SPAG16: variants seen among roughly 807,000 people sequenced by gnomAD.
SPAG16 encodes sperm-associated antigen 16 protein.
SPAG16 carries 86 observed loss-of-function variants against 80.4 expected under a neutral mutation model. That is an observed-to-expected ratio of 1.07 (90% CI 0.90 to 1.28). SPAG16 has a LOEUF of 1.28. SPAG16 is among the 50% of genes most tolerant of loss of function. The pLI is 0.00. For synonymous variants in SPAG16, 294 were observed against 265.9 expected (o/e 1.11, Z -1.03); for missense variants, 870 against 765.3 (o/e 1.14, Z -1.61).
At chr2:214,124,920 T>C (rs564478260) in intron 14 of SPAG16, among the ~76,000 whole-genome samples, 1 of 151,960 alleles carries the variant, frequency 6.6e-6, no homozygotes, top group East Asian at 1.9e-4. Flanking sequence ...ATTTACTCAA[T>C]AGCTAGACCT....
intron 9 of SPAG16, among the ~76,000 whole-genome samples, chr2:213,428,347 G>A (rs1241479314): frequency 6.6e-6 from 1 of 152,164 alleles, no homozygotes; most frequent in Non-Finnish European, 1.5e-5. Context: ...AAATTGGAGA[G>A]AGGCTAAAAC....
chr2:213,402,459 G>A (rs935216892), intron 9 of SPAG16, among the ~76,000 whole-genome samples: 1 of 151,628 alleles, frequency 6.6e-6, no homozygotes, highest in South Asian at 2.1e-4. Flanking sequence ...AAGTTTTAGG[G>A]TACATGTGCA....
intron 6 of SPAG16, among the ~76,000 whole-genome samples, chr2:213,350,135 A>G (rs1418341802): frequency 6.6e-6 from 1 of 152,180 alleles, no homozygotes; most frequent in East Asian, 1.9e-4. Context: ...GTTTATTTTG[A>G]TGTGAATGAC....
At chr2:213,478,136 T>C (rs1005545546) in intron 9 of SPAG16, among the ~76,000 whole-genome samples, 1 of 152,172 alleles carries the variant, frequency 6.6e-6, no homozygotes, top group African/African-American at 2.4e-5. Context: ...GTAAGTTTTC[T>C]GAGGTCTCCC....
intron 9 of SPAG16, among the ~76,000 whole-genome samples, chr2:213,391,836 C>T (rs2067770740): frequency 6.6e-6 from 1 of 152,094 alleles, no homozygotes. Flanking sequence ...CAGTAGTTTT[C>T]CCTGATTGTG....
intron 12 of SPAG16, among the ~76,000 whole-genome samples, chr2:214,012,447 C>T (rs2047359792): frequency 6.6e-6 from 1 of 150,692 alleles, no homozygotes; most frequent in Non-Finnish European, 1.5e-5. Context: ...AGGCATATGC[C>T]GCCACGTCAG....
intron 13 of SPAG16, among the ~76,000 whole-genome samples, chr2:214,079,175 C>A (rs1235520957): frequency 6.6e-6 from 1 of 152,036 alleles, no homozygotes; most frequent in Admixed American, 6.6e-5. Context: ...CTCTCCCAAC[C>A]ACTGAGAAAA....
At chr2:214,381,107 C>T (rs2126107841) in intron 15 of SPAG16, among the ~76,000 whole-genome samples, 1 of 152,264 alleles carries the variant, frequency 6.6e-6, no homozygotes, top group Non-Finnish European at 1.5e-5. Flanking sequence ...GAAGACGATT[C>T]TACGAAGCAG....
chr2:214,204,850 GA>G (rs1241594596), intron 15 of SPAG16, among the ~76,000 whole-genome samples: 2 of 152,130 alleles, frequency 1.3e-5, no homozygotes, highest in Non-Finnish European at 2.9e-5. Context: ...TGAATTACCA[GA>G]AAAAGATTTC....
chr2:213,694,283 C>G (rs2065070399), intron 10 of SPAG16, among the ~76,000 whole-genome samples: 1 of 152,126 alleles, frequency 6.6e-6, no homozygotes, highest in Non-Finnish European at 1.5e-5. Flanking sequence ...TACATTAAGC[C>G]TTCTGTAATC....
intron 15 of SPAG16, among the ~76,000 whole-genome samples, chr2:214,216,521 C>T (rs773643664): frequency 3.9e-5 from 6 of 152,174 alleles, no homozygotes; most frequent in Non-Finnish European, 8.8e-5. Context: ...GGGGTTCCAC[C>T]GTGTTGGCCA....
chr2:214,404,767 T>C (rs938963202), intron 15 of SPAG16, among the ~76,000 whole-genome samples: 3 of 151,724 alleles, frequency 2.0e-5, no homozygotes, highest in Non-Finnish European at 4.4e-5. Flanking sequence ...GTTTGGAGTC[T>C]AGAAAAAAAA....
At chr2:213,838,131 C>T (rs150689699) in intron 10 of SPAG16, among the ~76,000 whole-genome samples, 4 of 151,990 alleles carry the variant, frequency 2.6e-5, no homozygotes, top group African/African-American at 9.6e-5. Flanking sequence ...AAGAAAGAGA[C>T]AAATGACAAA....
At chr2:214,315,175 A>C (rs2125984719) in intron 15 of SPAG16, among the ~76,000 whole-genome samples, 1 of 152,288 alleles carries the variant, frequency 6.6e-6, no homozygotes, top group East Asian at 1.9e-4. Flanking sequence ...GTCAGGGAAC[A>C]GGAAGACTGC....
At chr2:213,367,158 G>A (rs2066347548) in intron 8 of SPAG16, among the ~76,000 whole-genome samples, 1 of 152,104 alleles carries the variant, frequency 6.6e-6, no homozygotes, top group African/African-American at 2.4e-5. Context: ...TGGTGTATAT[G>A]TCCCACATTT....
chr2:214,246,091 G>T (rs946278327), intron 15 of SPAG16, among the ~76,000 whole-genome samples: 1 of 151,912 alleles, frequency 6.6e-6, no homozygotes, highest in South Asian at 2.1e-4. Context: ...ACTGTTTCTA[G>T]GTCCTGAATT....
intron 15 of SPAG16, among the ~76,000 whole-genome samples, chr2:214,375,448 A>G (rs1045524897): frequency 3.3e-5 from 5 of 152,232 alleles, no homozygotes; most frequent in East Asian, 3.9e-4. Context: ...AGACTAGTAT[A>G]TAGCTTTTCA....
chr2:214,392,538 A>AG (rs1302963095), intron 15 of SPAG16, among the ~76,000 whole-genome samples: 1 of 152,138 alleles, frequency 6.6e-6, no homozygotes, highest in Non-Finnish European at 1.5e-5. Flanking sequence ...CTTGTTTGGG[A>AG]GGTAGAGTCT....
chr2:214,354,943 A>C (rs1698674757), intron 15 of SPAG16, among the ~76,000 whole-genome samples: 1 of 152,102 alleles, frequency 6.6e-6, no homozygotes, highest in Admixed American at 6.6e-5. Context: ...TGTCATCTGC[A>C]AACAGGGACA....
Sources: allele counts gnomAD v4.1 joint callset (sites outside exome capture counted in the v4.1 genomes callset), GRCh38; gene constraint gnomAD v4.1.1; transcripts MANE v1.5; gene names NCBI Gene and HGNC (gene_info 2026-07-23, HGNC 2026-07-21).